ARHGAP24: variants seen among roughly 807,000 people sequenced by gnomAD.
ARHGAP24 encodes the protein Rho GTPase activating protein 24.
A neutral mutation model predicts 76.4 loss-of-function variants in ARHGAP24; 50 were observed. The observed-to-expected ratio is 0.65, with a 90% CI of 0.52 to 0.83. ARHGAP24 has a LOEUF of 0.83. Ranked by LOEUF, ARHGAP24 falls within the 40% of genes least tolerant of loss-of-function variation. The pLI is 0.00. For synonymous variants in ARHGAP24, 345 were observed against 323.3 expected (o/e 1.07, Z -0.72); for missense variants, 930 against 914.2 (o/e 1.02, Z -0.22).
intron 3 of ARHGAP24, among the ~76,000 whole-genome samples, chr4:85,778,264 C>A (rs1485403957): frequency 6.6e-6 from 1 of 152,144 alleles, no homozygotes; most frequent in Non-Finnish European, 1.5e-5. Context: ...GGGAAAGTTT[C>A]AATATTAAGG....
intron 2 of ARHGAP24, among the ~76,000 whole-genome samples, chr4:85,571,186 G>A (rs1432308544): frequency 6.6e-6 from 1 of 152,194 alleles, no homozygotes; most frequent in Non-Finnish European, 1.5e-5. Context: ...AAATATGGAT[G>A]TGGTACTAAA....
intron 5 of ARHGAP24, among the ~76,000 whole-genome samples, chr4:85,954,286 A>G (rs1737783220): frequency 6.6e-6 from 1 of 152,188 alleles, no homozygotes; most frequent in Non-Finnish European, 1.5e-5. Context: ...TACTATCCTG[A>G]TTATTTCATT....
chr4:85,827,607 C>T, intron 3 of ARHGAP24: 3 of 208,550 alleles, frequency 1.4e-5, no homozygotes, highest in Non-Finnish European at 2.9e-5. Context: ...TTTTATTGTC[C>T]CAGCTCTGAT....
At chr4:85,965,717 AAAAC>A (rs1738556805) in intron 5 of ARHGAP24, among the ~76,000 whole-genome samples, 1 of 152,202 alleles carries the variant, frequency 6.6e-6, no homozygotes, top group South Asian at 2.1e-4. Flanking sequence ...CAGAATGTAT[AAAAC>A]CTAGTCAGCA....
At chr4:85,885,588 A>G (rs1221821935) in intron 3 of ARHGAP24, among the ~76,000 whole-genome samples, 1 of 152,122 alleles carries the variant, frequency 6.6e-6, no homozygotes, top group African/African-American at 2.4e-5. Flanking sequence ...TGGATCATAG[A>G]CTATATGTCT....
chr4:85,634,949 C>G (rs1721268156), intron 2 of ARHGAP24, among the ~76,000 whole-genome samples: 1 of 151,860 alleles, frequency 6.6e-6, no homozygotes, highest in African/African-American at 2.4e-5. Context: ...TAGCCAGACA[C>G]TCCTGAATCT....
intron 3 of ARHGAP24, among the ~76,000 whole-genome samples, chr4:85,886,055 T>A (rs768719498): frequency 6.6e-6 from 1 of 152,146 alleles, no homozygotes; most frequent in Non-Finnish European, 1.5e-5. Context: ...AAACATCTCA[T>A]GAAATTTCAA....
At position 85,710,700 on chromosome 4, in the gene ARHGAP24, A is replaced by G. The variant is rs138218118; in HGVS notation, c.181-11185A>G. 3.3e-3 allele frequency among the ~76,000 whole-genome samples: 502 copies of G among 152,288 alleles called. 3 individuals carry two copies. The highest frequency in any genetic ancestry group is 0.011 in the African/African-American group (475 of 41,570). On this transcript the variant is annotated intron_variant, in intron 2 of 9. Transcript: ENST00000395184. ...AGACACACATGCAGCCAAAAAGCAT[A>G]TGAAAATACAGGTCGACATCACTGA...
chr4:85,931,721 A>G (rs527537507), intron 4 of ARHGAP24, among the ~76,000 whole-genome samples: 1 of 152,364 alleles, frequency 6.6e-6, no homozygotes, highest in South Asian at 2.1e-4. Flanking sequence ...GGGGGGAGTT[A>G]GAGAATACAA....
chr4:85,688,129 G>A (rs756301148), intron 2 of ARHGAP24, among the ~76,000 whole-genome samples: 27 of 152,036 alleles, frequency 1.8e-4, no homozygotes, highest in Admixed American at 5.2e-4. Flanking sequence ...TCTATTTTAA[G>A]TTATTTGAGA....
At chr4:85,535,848 G>T (rs1725447859) in intron 1 of ARHGAP24, among the ~76,000 whole-genome samples, 3 of 152,076 alleles carry the variant, frequency 2.0e-5, no homozygotes, top group African/African-American at 7.2e-5. Flanking sequence ...GAGTAAAATT[G>T]CTAGTTCATT....
At chr4:85,930,309 G>T in intron 4 of ARHGAP24, 1 of 986,590 alleles carries the variant, frequency 1.0e-6, no homozygotes, top group Non-Finnish European at 1.2e-6. Flanking sequence ...GGAGAAACCT[G>T]CAGAGAGCAT....
At chr4:85,590,713 C>T (rs1467002248) in intron 2 of ARHGAP24, among the ~76,000 whole-genome samples, 2 of 151,896 alleles carry the variant, frequency 1.3e-5, no homozygotes, top group East Asian at 1.9e-4. Context: ...TTCTGTCTGC[C>T]GTGGTTTTCC....
At chr4:85,988,030 C>A (rs941217149) in intron 8 of ARHGAP24, among the ~76,000 whole-genome samples, 1 of 151,646 alleles carries the variant, frequency 6.6e-6, no homozygotes, top group Non-Finnish European at 1.5e-5. Flanking sequence ...CTTTGAAGTA[C>A]TGAAAAAAAT....
At chr4:85,581,740 G>GA (rs1553915992) in intron 2 of ARHGAP24, among the ~76,000 whole-genome samples, 3 of 151,826 alleles carry the variant, frequency 2.0e-5, no homozygotes, top group African/African-American at 7.3e-5. Flanking sequence ...ACTTTTCCTA[G>GA]TTTTTTTTAA....
chr4:85,753,438 C>T (rs777560032), intron 3 of ARHGAP24, among the ~76,000 whole-genome samples: 24 of 152,258 alleles, frequency 1.6e-4, no homozygotes, highest in African/African-American at 1.2e-4. Context: ...CAAAGCCTCA[C>T]GTACACATCA....
At chr4:85,564,691 C>A (rs1726755576) in intron 1 of ARHGAP24, among the ~76,000 whole-genome samples, 1 of 151,546 alleles carries the variant, frequency 6.6e-6, no homozygotes, top group African/African-American at 2.4e-5. Context: ...TAGTTAGATT[C>A]TCATAAGGAG....
intron 2 of ARHGAP24, among the ~76,000 whole-genome samples, chr4:85,702,879 G>A (rs1180209767): frequency 6.6e-6 from 1 of 151,650 alleles, no homozygotes; most frequent in Non-Finnish European, 1.5e-5. Context: ...CCATGAAGGG[G>A]TCTGAGAAAT....
Position 85,649,625 on chromosome 4 carries a change from A to G in ARHGAP24, c.181-72260A>G, listed in dbSNP as rs116390499. Among the ~76,000 whole-genome samples the G allele has an allele frequency of 3.7e-3, 564 of 152,294 alleles. 4 individuals carry two copies. The highest frequency in any genetic ancestry group is 0.013 in the African/African-American group (526 of 41,580). ...AATGGTCTGTCAGTATGCCCGATCC[A>G]TAGAGTTGGCTGTTGAGATTTATTC... On this transcript the variant is annotated intron_variant, in intron 2 of 9. Coordinates refer to ENST00000395184, the MANE Select transcript of ARHGAP24 (RefSeq NM_001025616.3).
Sources: gnomAD v4.1 joint callset for allele counts (sites outside exome capture counted in the v4.1 genomes callset) on GRCh38, gnomAD v4.1.1 for gene constraint, MANE v1.5 for transcripts, NCBI Gene and HGNC (gene_info 2026-07-23, HGNC 2026-07-21) for gene names.